NAV2: variants seen among roughly 807,000 people sequenced by gnomAD.
NAV2 encodes the protein neuron navigator 2.
Under a neutral mutation model 223.2 loss-of-function variants are expected in NAV2, and 54 were observed. The observed-to-expected ratio is 0.24, with a 90% CI of 0.19 to 0.30. The LOEUF is 0.30. NAV2 is among the 10% of genes least tolerant of loss of function. The pLI is 1.00. For missense variants in NAV2, 2,806 were observed against 3,147.5 expected (o/e 0.89, Z 2.60); for synonymous variants, 1,279 against 1,239.3 (o/e 1.03, Z -0.67).
chr11:19,627,969 G>A (rs1380535354), intron 1 of NAV2, among the ~76,000 whole-genome samples: 1 of 150,830 alleles, frequency 6.6e-6, no homozygotes, highest in Admixed American at 6.6e-5. Context: ...ATATCTGGCA[G>A]CCCATTCCAC....
rs116513506 is a variant in NAV2, at chr11:19,864,785, T to C, written c.439-4140T>C. Reference sequence around the variant, plus strand: ...GCACTGCACAAGGTGGAGGCCACATTTGGCTCCAAACAAAGGGAATTCTGG... The same window carrying C: ...GCACTGCACAAGGTGGAGGCCACATCTGGCTCCAAACAAAGGGAATTCTGG... On this transcript the variant is annotated intron_variant, in intron 3 of 37. Coordinates refer to ENST00000349880, the MANE Select transcript of NAV2 (RefSeq NM_145117.5). Among the ~76,000 whole-genome samples the C allele has an allele frequency of 2.3e-3, 357 of 152,310 alleles. 1 individual carries two copies. Among genetic ancestry groups the C allele is most frequent in the African/African-American group, 8.1e-3 (338 of 41,574 alleles).
intron 6 of NAV2, among the ~76,000 whole-genome samples, chr11:19,910,502 T>C (rs1439414677): frequency 6.6e-6 from 1 of 152,152 alleles, no homozygotes; most frequent in Non-Finnish European, 1.5e-5. Flanking sequence ...AAAAACTGTA[T>C]AGGGACACTG....
chr11:19,418,749 C>T (rs2702737), intron 1 of NAV2, among the ~76,000 whole-genome samples: 81,617 of 151,972 alleles, frequency 0.54, 22,992 homozygotes, highest in Non-Finnish European at 0.62. Flanking sequence ...TTCTAAGGGT[C>T]GTCCAAAGCC....
chr11:19,583,453 G>A (rs1356329998), intron 1 of NAV2, among the ~76,000 whole-genome samples: 1 of 152,184 alleles, frequency 6.6e-6, no homozygotes, highest in African/African-American at 2.4e-5. Flanking sequence ...CCTGTCTTGT[G>A]CCAGTTTTCA....
At chr11:20,050,928 C>T (rs7124919) in intron 16 of NAV2, among the ~76,000 whole-genome samples, 8,345 of 152,284 alleles carry the variant, frequency 0.055, 480 homozygotes, top group African/African-American at 0.15. Context: ...TCTGAGAAGC[C>T]GTGTTGGTGC....
At chr11:19,886,918 G>T (rs1249748354) in intron 5 of NAV2, among the ~76,000 whole-genome samples, 1 of 152,086 alleles carries the variant, frequency 6.6e-6, no homozygotes, top group African/African-American at 2.4e-5. Context: ...CTCTGCTGAG[G>T]CCAATGAAGG....
At chr11:19,793,476 C>T (rs183472513) in intron 1 of NAV2, among the ~76,000 whole-genome samples, 143 of 152,262 alleles carry the variant, frequency 9.4e-4, no homozygotes, top group Middle Eastern at 3.4e-3. Flanking sequence ...TGATTCGGTG[C>T]CAAAGCATGC....
intron 1 of NAV2, among the ~76,000 whole-genome samples, chr11:19,770,148 A>T (rs986235384): frequency 6.6e-6 from 1 of 152,226 alleles, no homozygotes; most frequent in African/African-American, 2.4e-5. Flanking sequence ...CAAAACCAGA[A>T]CAGAGGGCAA....
intron 11 of NAV2, among the ~76,000 whole-genome samples, chr11:20,012,632 G>T (rs1340215079): frequency 6.8e-6 from 1 of 146,882 alleles, no homozygotes; most frequent in Non-Finnish European, 1.5e-5. Context: ...CCGAGATTGT[G>T]CCACTGCACT....
At chr11:20,056,009 A>C in intron 19 of NAV2, 52 bp downstream of exon 19, 2 of 1,545,350 alleles carry the variant, frequency 1.3e-6, no homozygotes, top group East Asian at 4.6e-5. Flanking sequence ...CTCCCAGGTT[A>C]CTCAGTGTAG....
chr11:19,404,684 G>A (rs763224822), intron 1 of NAV2, among the ~76,000 whole-genome samples: 3 of 152,154 alleles, frequency 2.0e-5, no homozygotes, highest in Non-Finnish European at 4.4e-5. Context: ...CTCTGTGCCT[G>A]CTCTCAGAAA....
At chr11:19,345,923 T>C (rs192462234), upstream of NAV2, among the ~76,000 whole-genome samples, 4 of 152,320 alleles carry the variant, frequency 2.6e-5, no homozygotes, top group East Asian at 7.7e-4. The surrounding 1 kb of genome is among the most constrained non-coding windows in gnomAD (Gnocchi z 5.2). Context: ...TGGGTCCCTC[T>C]GTGTTTGCTG....
At chr11:19,913,107 T>A (rs2043458681) in intron 6 of NAV2, among the ~76,000 whole-genome samples, 1 of 152,214 alleles carries the variant, frequency 6.6e-6, no homozygotes, top group South Asian at 2.1e-4. Context: ...TAACTCTGTA[T>A]TGACAGCAGG....
intron 1 of NAV2, among the ~76,000 whole-genome samples, chr11:19,365,612 A>G (rs1848250827): frequency 6.6e-6 from 1 of 152,218 alleles, no homozygotes. Flanking sequence ...AGTGGTAATT[A>G]CAATAATTTT....
intron 23 of NAV2, 34 bp downstream of exon 23, chr11:20,077,669 T>C: frequency 2.0e-6 from 3 of 1,525,828 alleles, no homozygotes; most frequent in Non-Finnish European, 2.7e-6. Context: ...CCCTCCCTAC[T>C]TGGAGTTAAC....
At chr11:20,099,201 C>T (rs1197864471) in intron 31 of NAV2, among the ~76,000 whole-genome samples, 8 of 152,128 alleles carry the variant, frequency 5.3e-5, no homozygotes, top group Non-Finnish European at 2.9e-5. Flanking sequence ...CTTGAACCAC[C>T]AGGAATGAGC....
chr11:20,093,713 C>T (rs1171826432), intron 29 of NAV2, among the ~76,000 whole-genome samples: 1 of 152,110 alleles, frequency 6.6e-6, no homozygotes, highest in East Asian at 1.9e-4. Context: ...CGTCCTGACT[C>T]CCCAAGGCTG....
chr11:20,075,970 A>C (rs2059724657), intron 22 of NAV2, among the ~76,000 whole-genome samples: 1 of 150,926 alleles, frequency 6.6e-6, no homozygotes, highest in African/African-American at 2.4e-5. Flanking sequence ...AGGTAGTCTC[A>C]CTCCTCTCAT....
chr11:19,454,104 C>A (rs1037714596), intron 1 of NAV2, among the ~76,000 whole-genome samples: 1 of 152,158 alleles, frequency 6.6e-6, no homozygotes, highest in Non-Finnish European at 1.5e-5. Context: ...GTGAACACTC[C>A]CCGTCCCTGG....
Sources: gnomAD v4.1 joint callset for allele counts (sites outside exome capture counted in the v4.1 genomes callset) on GRCh38, gnomAD v4.1.1 for gene constraint, Gnocchi (gnomAD v3.1) non-coding constraint, MANE v1.5 for transcripts, NCBI Gene and HGNC (gene_info 2026-07-23, HGNC 2026-07-21) for gene names.